The following MBP variants were observed in gnomAD, a reference collection of about 807,000 sequenced individuals.
The protein encoded by MBP is myelin basic protein, also known as Golli-MBP.
A neutral mutation model predicts 35.8 loss-of-function variants in MBP; 16 were observed. The observed-to-expected ratio is 0.45, with a 90% CI of 0.30 to 0.68. The LOEUF (loss-of-function observed/expected upper bound fraction) is 0.68. Ranked by LOEUF, MBP falls within the 30% of genes least tolerant of loss-of-function variation. The pLI, the probability that MBP is intolerant of heterozygous loss-of-function variation, is 0.08. For missense variants in MBP, 380 were observed against 404.7 expected, an observed-to-expected ratio of 0.94 and a Z score of 0.52; for synonymous variants, 143 against 159.6, an observed-to-expected ratio of 0.90 and a Z score of 0.78.
chr18:77,070,942 G>A (rs1359456787), intron 2 of MBP, among the ~76,000 whole-genome samples: 1 of 152,186 alleles, frequency 6.6e-6, no homozygotes, highest in Non-Finnish European at 1.5e-5. Flanking sequence ...CCAGCCAAGT[G>A]TGAGAGATCT....
Position 76,987,842 on chromosome 18 carries a change from A to AT in MBP, c.750+652dup, listed in dbSNP as rs2123110706. The AT allele has an allele frequency of 1.5e-5, 16 of 1,038,426 alleles. No homozygotes were observed. The South Asian group carries it at 5.0e-4, about 33-fold the overall frequency. 64.3% of individuals were successfully genotyped at this position (1,038,426 alleles called of 1,614,324 possible). A position where few individuals can be genotyped will look rare whatever the true frequency, so the allele number is the denominator to read the frequency against. ...CATTTTAATTTGGCTCAGACACCAA[A>AT]TTTTTTCACTAGAAAGTTCAAATTG... On this transcript the variant is annotated intron_variant, in intron 7 of 8. Transcript: ENST00000355994.
At chr18:77,029,665 A>G (rs540670152) in intron 3 of MBP, among the ~76,000 whole-genome samples, 1 of 152,216 alleles carries the variant, frequency 6.6e-6, no homozygotes, top group South Asian at 2.1e-4. Flanking sequence ...CGTTCTCCAC[A>G]TTTTTACCTT....
chr18:77,073,721 G>T (rs572122842), intron 2 of MBP, among the ~76,000 whole-genome samples: 4 of 152,306 alleles, frequency 2.6e-5, no homozygotes, highest in African/African-American at 9.6e-5. Context: ...GATCCTGCCT[G>T]GCTTGCAGGA....
At chr18:77,014,266 C>T (rs1388054887) in intron 4 of MBP, 7 of 985,336 alleles carry the variant, frequency 7.1e-6, no homozygotes, top group Non-Finnish European at 8.4e-6. Context: ...GCCGCTCCAA[C>T]ATGTGGTACC....
chr18:77,114,625 T>C (rs371200111), intron 1 of MBP: 2 of 152,276 alleles, frequency 1.3e-5, no homozygotes, highest in African/African-American at 2.4e-5. Flanking sequence ...GTGTAAGTCC[T>C]GACAAGCCAT....
In MBP at chr18:77,105,262, C is replaced by G; in HGVS notation, c.-1G>C. ...CTCGTTTGCCTGCGTGGTTTCCCAT[C>G]CTGAATGGATTGGCTCTTCAGAGGC... On this transcript the variant is annotated 5_prime_UTR_variant, in exon 2 of 9. Coordinates refer to ENST00000355994, the MANE Select transcript of MBP (RefSeq NM_001025101.2). 6.2e-7 allele frequency: 1 copy of G among 1,612,042 alleles called. No individual in the cohort carries two copies. Among genetic ancestry groups the G allele is most frequent in the Non-Finnish European group, 8.5e-7 (1 of 1,178,570 alleles).
chr18:77,111,370 T>C (rs939557468), intron 1 of MBP, among the ~76,000 whole-genome samples: 1 of 152,220 alleles, frequency 6.6e-6, no homozygotes, highest in African/African-American at 2.4e-5. Context: ...AGATACCATG[T>C]AGAATTCAGG....
chr18:77,128,521 C>CCACACACACACACACACA (rs56770189), intron 1 of MBP, among the ~76,000 whole-genome samples: 1 of 147,618 alleles, frequency 6.8e-6, no homozygotes, highest in African/African-American at 2.5e-5. Context: ...CACGTGCATA[C>CCACACACACACACACACA]CACACACACA....
chr18:77,112,458 G>C (rs148367861), intron 1 of MBP: 2 of 152,308 alleles, frequency 1.3e-5, no homozygotes, highest in Middle Eastern at 3.4e-3. Flanking sequence ...CGTGCATAAC[G>C]GGGAGGGAGA....
chr18:77,048,033 C>T (rs1197677883), intron 3 of MBP, among the ~76,000 whole-genome samples: 2 of 152,198 alleles, frequency 1.3e-5, no homozygotes. Flanking sequence ...AAAAAATAGG[C>T]TAATTATCAA....
chr18:77,050,696 C>T (rs568458641), intron 3 of MBP, among the ~76,000 whole-genome samples: 1 of 152,276 alleles, frequency 6.6e-6, no homozygotes, highest in Non-Finnish European at 1.5e-5. Context: ...ATAGGACGTG[C>T]CATCACGCCC....
rs553289856 is a variant in MBP, at chr18:77,099,383, T to C, written c.51+5828A>G. Among the ~76,000 whole-genome samples the C allele has an allele frequency of 2.9e-3, 418 of 144,404 alleles. 4 individuals carry two copies. Among genetic ancestry groups the C allele is most frequent in the African/African-American group, 0.012 (394 of 34,228 alleles). 94.7% of individuals were successfully genotyped at this position (144,404 alleles called of 152,430 possible). ...CCATGAGATAAAATATATCCTAGAG[T>C]GTGAGGACTTCATGGGAGAAGAATT... On this transcript the variant is annotated intron_variant, in intron 2 of 8. Coordinates refer to ENST00000355994, the MANE Select transcript of MBP (RefSeq NM_001025101.2).
rs1057468636 is a variant in MBP, at chr18:77,116,989, A to C, written c.-25-11703T>G. ...GCTCCTGGCTGCTACGTGGTTTGTG[A>C]CTTCACCAACCTGATGACCTGGTCT... On this transcript the variant is annotated intron_variant, in intron 1 of 8. Transcript: ENST00000355994. Among the ~76,000 whole-genome samples the C allele has an allele frequency of 2.0e-5, 3 of 152,312 alleles. No individual in the cohort carries two copies. The South Asian group carries it at 6.2e-4, about 32-fold the overall frequency.
intron 4 of MBP, chr18:77,004,049 G>T (rs470881): frequency 0.85 from 129,450 of 152,036 alleles, 55,157 homozygotes; most frequent in African/African-American, 0.86. Context: ...ACAGAACATG[G>T]GTGTCAAAGT....
chr18:77,095,896 G>A (rs1052839540), intron 2 of MBP, among the ~76,000 whole-genome samples: 8 of 152,224 alleles, frequency 5.3e-5, no homozygotes, highest in African/African-American at 7.2e-5. Flanking sequence ...GGACACCTCC[G>A]TCAGCAAAAA....
At chr18:77,025,704 A>ATTTTTTTT (rs1972185043) in intron 3 of MBP, among the ~76,000 whole-genome samples, 1 of 57,036 alleles carries the variant, frequency 1.8e-5, no homozygotes, top group Non-Finnish European at 3.1e-5. Flanking sequence ...CTATTGAAAT[A>ATTTTTTTT]CTTTTTTTTT....
intron 2 of MBP, among the ~76,000 whole-genome samples, chr18:77,077,957 T>G (rs1974729050): frequency 6.6e-6 from 1 of 152,114 alleles, no homozygotes; most frequent in Non-Finnish European, 1.5e-5. Flanking sequence ...TGTGGAGGGA[T>G]TATCCCCGGG....
chr18:77,029,277 G>A (rs62105759), intron 3 of MBP, among the ~76,000 whole-genome samples: 11 of 149,202 alleles, frequency 7.4e-5, no homozygotes, highest in Middle Eastern at 3.5e-3. Context: ...CAGGCGTGGC[G>A]GCGCGCGCCT....
chr18:76,992,175 G>A (rs765449464), intron 4 of MBP, among the ~76,000 whole-genome samples: 5 of 152,210 alleles, frequency 3.3e-5, no homozygotes, highest in Non-Finnish European at 4.4e-5. Flanking sequence ...TTTGGCACCA[G>A]GGATGGGTTT....
Sources: allele counts gnomAD v4.1 joint callset (sites outside exome capture counted in the v4.1 genomes callset), GRCh38; gene constraint gnomAD v4.1.1; transcripts MANE v1.5; gene names NCBI Gene and HGNC (gene_info 2026-07-23, HGNC 2026-07-21).